Variants in CDYL2 observed in about 807,000 individuals in gnomAD.
CDYL2 encodes chromodomain Y-like protein 2.
Under a neutral mutation model 49.4 loss-of-function variants are expected in CDYL2, and 23 were observed. The observed-to-expected ratio is 0.47, with a 90% confidence interval of 0.34 to 0.66. The LOEUF (loss-of-function observed/expected upper bound fraction) is 0.66. Among genes scored for constraint, CDYL2 ranks in the 30% least tolerant of loss-of-function variants. The probability of loss-of-function intolerance (pLI) is 0.01; values close to 1 mark genes in which losing one functional copy is unlikely to be tolerated. For synonymous variants in CDYL2, 360 were observed against 268.8 expected, an observed-to-expected ratio of 1.34 and a Z score of -3.32; for missense variants, 678 against 656.4, an observed-to-expected ratio of 1.03 and a Z score of -0.36.
intron 2 of CDYL2, among the ~76,000 whole-genome samples, chr16:80,662,556 C>G (rs1397366855): frequency 6.6e-6 from 1 of 152,168 alleles, no homozygotes; most frequent in Non-Finnish European, 1.5e-5. Flanking sequence ...AGATGCTTAG[C>G]ACCTGGGGTA....
At chr16:80,726,772 A>G (rs1006789262) in intron 1 of CDYL2, among the ~76,000 whole-genome samples, 18 of 152,176 alleles carry the variant, frequency 1.2e-4, no homozygotes, top group African/African-American at 4.3e-4. Flanking sequence ...ATCAATAGCA[A>G]CAACAACAAC....
chr16:80,717,045 G>A (rs1904831952), intron 1 of CDYL2, among the ~76,000 whole-genome samples: 1 of 147,508 alleles, frequency 6.8e-6, no homozygotes, highest in African/African-American at 2.6e-5. Context: ...TGGATGCACG[G>A]ATGGATGGAT....
chr16:80,781,264 G>A (rs1907258151), intron 1 of CDYL2, among the ~76,000 whole-genome samples: 1 of 152,172 alleles, frequency 6.6e-6, no homozygotes, highest in Admixed American at 6.5e-5. Flanking sequence ...CTGACTTCAA[G>A]ATTCCTATAA....
intron 1 of CDYL2, among the ~76,000 whole-genome samples, chr16:80,703,404 T>C (rs899378459): frequency 1.3e-5 from 2 of 152,098 alleles, no homozygotes; most frequent in East Asian, 3.9e-4. Context: ...GCTAGATGAA[T>C]GAATGAACAC....
At chr16:80,690,015 A>G (rs753807920) in intron 1 of CDYL2, among the ~76,000 whole-genome samples, 5 of 151,808 alleles carry the variant, frequency 3.3e-5, no homozygotes, top group Non-Finnish European at 5.9e-5. Flanking sequence ...CAGCTACTCC[A>G]GAGGCTGAGA....
At chr16:80,685,791 G>A (rs1023827566) in intron 1 of CDYL2, among the ~76,000 whole-genome samples, 2 of 152,160 alleles carry the variant, frequency 1.3e-5, no homozygotes, top group Non-Finnish European at 2.9e-5. Flanking sequence ...AGAATGGTAA[G>A]GGCAGAACTG....
chr16:80,652,554 C>A lies in CDYL2; in HGVS notation c.617-19318G>T, dbSNP rs1235895526. Among the ~76,000 whole-genome samples the A allele has an allele frequency of 2.6e-5, 4 of 152,332 alleles. No individual in the cohort carries two copies. The East Asian group carries it at 7.7e-4, about 29-fold the overall frequency. ...AAGCAATGGAGTATAACTTCCCATT[C>A]CTGAGTGAGCACCACGCACAGTGAC... On this transcript the variant is annotated intron_variant, in intron 2 of 6. Transcript: ENST00000570137.
chr16:80,650,581 A>G (rs761917262), intron 2 of CDYL2, among the ~76,000 whole-genome samples: 18 of 152,192 alleles, frequency 1.2e-4, no homozygotes, highest in Non-Finnish European at 2.4e-4. Context: ...AAAACTAAAA[A>G]TAGAAATACC....
At position 80,620,815 on chromosome 16, in the gene CDYL2, G is replaced by C; in HGVS notation, c.955C>G (p.Arg319Gly). Residue 319 changes from arginine (R) to glycine (G), a missense_variant, in exon 4 of 7, where the codon CGG becomes GGG. Physicochemically the swap from Arg to Gly is moderately radical, Grantham distance 125. Transcript: ENST00000570137. ...TCCTTTCGCCGGTCGCTGGACAACC[G>C]GCCAATTAGGTAGGAATAATCCAGG... ...SGLDYSYLIG[R>G]LSSDRRKEST... is the part of the protein sequence containing the mutation. 1 of 1,611,712 alleles carries C rather than the reference G, an allele frequency of 6.2e-7. No individual in the cohort carries two copies. The highest frequency in any genetic ancestry group is 8.5e-7 in the Non-Finnish European group (1 of 1,178,438).
At chr16:80,703,745 A>G (rs2012766) in intron 1 of CDYL2, among the ~76,000 whole-genome samples, 96,099 of 151,964 alleles carry the variant, frequency 0.63, 30,757 homozygotes, top group Middle Eastern at 0.77. Flanking sequence ...AGGCTCCCCT[A>G]AGTCCTGCTG....
Position 80,804,188 on chromosome 16 carries a change from C to A in CDYL2, c.-15G>T. ...CCAGAAGCCATGCCAGGCTGCGGAA[C>A]TTGGCTCGCCGGTGTGCGCGTCTGC... On this transcript the variant is annotated 5_prime_UTR_variant, in exon 1 of 7. Coordinates refer to ENST00000570137, the MANE Select transcript of CDYL2 (RefSeq NM_152342.4). The A allele has an allele frequency of 7.5e-7, 1 of 1,329,120 alleles. No individual in the cohort carries two copies. 82.3% of individuals were successfully genotyped at this position (1,329,120 alleles called of 1,614,324 possible). A position where few individuals can be genotyped will look rare whatever the true frequency, so the allele number is the denominator to read the frequency against.
chr16:80,757,464 C>G (rs1195002663), intron 1 of CDYL2, among the ~76,000 whole-genome samples: 1 of 148,612 alleles, frequency 6.7e-6, no homozygotes, highest in Non-Finnish European at 1.5e-5. Flanking sequence ...TGCTTGAGCC[C>G]AAGAGTTCAA....
intron 4 of CDYL2, among the ~76,000 whole-genome samples, chr16:80,614,403 G>C (rs979381752): frequency 3.9e-5 from 6 of 152,226 alleles, no homozygotes; most frequent in Non-Finnish European, 8.8e-5. Flanking sequence ...GGGCACAGCA[G>C]TCTTGGAAGA....
At chr16:80,774,538 T>C (rs1428719884) in intron 1 of CDYL2, among the ~76,000 whole-genome samples, 1 of 152,094 alleles carries the variant, frequency 6.6e-6, no homozygotes, top group African/African-American at 2.4e-5. Flanking sequence ...ACTGCTAAAA[T>C]AGATCTTTAA....
At chr16:80,719,260 C>T (rs142444310) in intron 1 of CDYL2, among the ~76,000 whole-genome samples, 2,538 of 152,154 alleles carry the variant, frequency 0.017, 19 homozygotes, top group African/African-American at 0.028. Context: ...ACTGAAGATT[C>T]CCAGGCCCCG....
At chr16:80,691,836 G>GA (rs1040042961) in intron 1 of CDYL2, among the ~76,000 whole-genome samples, 11 of 151,820 alleles carry the variant, frequency 7.2e-5, no homozygotes, top group Admixed American at 2.0e-4. Flanking sequence ...AAGCTGAAAT[G>GA]AAAAAAACGA....
intron 1 of CDYL2, among the ~76,000 whole-genome samples, chr16:80,754,762 T>C (rs1906252246): frequency 6.6e-6 from 1 of 152,200 alleles, no homozygotes; most frequent in Admixed American, 6.5e-5. Context: ...TAGTTTGAGC[T>C]TTTAGAGTTG....
At chr16:80,676,325 G>A (rs1365607571) in intron 2 of CDYL2, among the ~76,000 whole-genome samples, 2 of 152,230 alleles carry the variant, frequency 1.3e-5, no homozygotes, top group Admixed American at 6.5e-5. Context: ...TAGTGAAAGT[G>A]TGTTGGCCTG....
At chr16:80,723,505 C>T (rs1020752747) in intron 1 of CDYL2, among the ~76,000 whole-genome samples, 1 of 152,178 alleles carries the variant, frequency 6.6e-6, no homozygotes, top group African/African-American at 2.4e-5. Context: ...CAGCCTCACC[C>T]AAGAGCCACC....
Sources: gnomAD v4.1 joint callset for allele counts (sites outside exome capture counted in the v4.1 genomes callset) on GRCh38, gnomAD v4.1.1 for gene constraint, MANE v1.5 for transcripts, NCBI Gene and HGNC (gene_info 2026-07-23, HGNC 2026-07-21) for gene names.